RAP2B: variants seen among roughly 807,000 people sequenced by gnomAD.
RAP2B encodes RAP2B, member of RAS oncogene family.
RAP2B carries 6 observed loss-of-function variants against 14.4 expected under a neutral mutation model. That is an observed-to-expected ratio of 0.42 (90% confidence interval 0.23 to 0.82). RAP2B has a LOEUF of 0.82. Ranked by LOEUF, RAP2B falls within the 40% of genes least tolerant of loss-of-function variation. The pLI is 0.30. For missense variants in RAP2B, 137 were observed against 248.2 expected (o/e 0.55, Z 3.01); for synonymous variants, 118 against 113.2 (o/e 1.04, Z -0.27).
chr3:153,166,990 T>C lies in RAP2B; in HGVS notation c.*3745T>C, dbSNP rs1455310118. 1.2e-5 allele frequency: 2 copies of C among 166,852 alleles called. No homozygotes were observed. Among genetic ancestry groups the C allele is most frequent in the African/African-American group, 4.8e-5 (2 of 41,452 alleles). The allele number at this position is 166,852 out of a possible 1,614,324, so 10.3% of individuals were successfully genotyped here. A position where few individuals can be genotyped will look rare whatever the true frequency, so the allele number is the denominator to read the frequency against. On this transcript the variant is annotated 3_prime_UTR_variant, in exon 1 of 1. Transcript: ENST00000323534. The stretch of plus-strand genomic sequence containing the variant: ...CTTAACTGTCATAAGAGCATAGATT[T>C]TTTGTTTTTCACAACAGCTGGAATA...
At position 153,163,093 on chromosome 3, in the gene RAP2B, C is replaced by G. The variant is rs766367034; in HGVS notation, c.400C>G (p.Leu134Val). The G allele has an allele frequency of 1.9e-6, 3 of 1,613,810 alleles. No homozygotes were observed. Among genetic ancestry groups the G allele is most frequent in the East Asian group, 2.2e-5 (1 of 44,872 alleles). Residue 134 changes from leucine to valine, a missense_variant, in exon 1 of 1, where the codon CTG becomes GTG. Leu to Val is a conservative substitution (Grantham distance 32). This residue lies in a region of RAP2B where 106 missense variants were observed against 143.5 expected (regional missense o/e 0.74). Coordinates refer to ENST00000323534, the MANE Select transcript of RAP2B (RefSeq NM_002886.4). ...GGTCTCGTACGGGGAGGGCAAGGCC[C>G]TGGCTGAGGAGTGGAGCTGCCCCTT... ...REVSYGEGKA[L>V]AEEWSCPFME...
In RAP2B at chr3:153,166,898, A is replaced by G. The variant is rs900485421; in HGVS notation, c.*3653A>G. On this transcript the variant is annotated 3_prime_UTR_variant, in exon 1 of 1. Coordinates refer to ENST00000323534, the MANE Select transcript of RAP2B (RefSeq NM_002886.4). The stretch of plus-strand genomic sequence containing the variant: ...ACCCTCTTTTGGGTCATATTCTAGT[A>G]TTTCTCACAGGGGGTATGAGAAACA... 1 of 166,938 alleles carries G rather than the reference A, an allele frequency of 6.0e-6. No homozygotes were observed. Among genetic ancestry groups the G allele is most frequent in the Non-Finnish European group, 1.5e-5 (1 of 68,086 alleles). 10.3% of individuals were successfully genotyped at this position (166,938 alleles called of 1,614,324 possible).
In RAP2B at chr3:153,162,657, G is replaced by T; in HGVS notation, c.-37G>T. On this transcript the variant is annotated 5_prime_UTR_variant, in exon 1 of 1. Transcript: ENST00000323534. This position sits in a 1 kb window ranked among gnomAD's most constrained non-coding sequence, Gnocchi z 4.9. ...CCTTCCCCGGCGCGCAGCCCCGACG[G>T]GGCCGCGGCAGGCGCGGCGAGAGCG... 6.4e-7 allele frequency: 1 copy of T among 1,561,532 alleles called. No individual in the cohort carries two copies. Among genetic ancestry groups the T allele is most frequent in the Non-Finnish European group, 8.7e-7 (1 of 1,155,420 alleles).
In RAP2B at chr3:153,163,432, C is replaced by G; in HGVS notation, c.*187C>G. On this transcript the variant is annotated 3_prime_UTR_variant, in exon 1 of 1. Transcript: ENST00000323534. ...CCCTGTGCCCGAGGGGGTGTCCGGT[C>G]CTGCCCATCCGATACTCTGGTGGAA... 1.4e-6 allele frequency: 1 copy of G among 716,332 alleles called. No individual in the cohort carries two copies. The highest frequency in any genetic ancestry group is 2.3e-6 in the Non-Finnish European group (1 of 436,146). 44.4% of individuals were successfully genotyped at this position (716,332 alleles called of 1,614,324 possible).
In RAP2B at chr3:153,167,763, T is replaced by C. The variant is rs1328476968; in HGVS notation, c.*4518T>C. 1 of 167,036 alleles carries C rather than the reference T, an allele frequency of 6.0e-6. No individual in the cohort carries two copies. The highest frequency in any genetic ancestry group is 1.5e-5 in the Non-Finnish European group (1 of 68,122). The allele number at this position is 167,036 out of a possible 1,614,324, so 10.3% of individuals were successfully genotyped here. On this transcript the variant is annotated 3_prime_UTR_variant, in exon 1 of 1. Transcript: ENST00000323534. ...ACATTTTGACTATGGTTTTCAATGT[T>C]AATTCAGAAGTTGACTTTAAATGAA...
chr3:153,162,485 C>A lies in RAP2B; in HGVS notation c.-209C>A, dbSNP rs997723423. 9 of 507,828 alleles carry A rather than the reference C, an allele frequency of 1.8e-5. No individual in the cohort carries two copies. Among genetic ancestry groups the A allele is most frequent in the African/African-American group, 1.4e-4 (7 of 48,936 alleles). The allele number at this position is 507,828 out of a possible 1,614,324, so 31.5% of individuals were successfully genotyped here. Reference sequence around the variant, plus strand: ...ACTGCTGCGGGGCCCGGACCCGCACCCCAGGGATACGCTGCCGCCGCCGCC... The same window carrying A: ...ACTGCTGCGGGGCCCGGACCCGCACACCAGGGATACGCTGCCGCCGCCGCC... On this transcript the variant is annotated 5_prime_UTR_variant, in exon 1 of 1. Transcript: ENST00000323534. The surrounding 1 kb of genome is among the most constrained non-coding windows in gnomAD (Gnocchi z 4.9).
Position 153,165,441 on chromosome 3 carries a change from G to A in RAP2B, c.*2196G>A, listed in dbSNP as rs1294818758. On this transcript the variant is annotated 3_prime_UTR_variant, in exon 1 of 1. Coordinates refer to ENST00000323534, the MANE Select transcript of RAP2B (RefSeq NM_002886.4). ...TAACATGTTCATACATATCAAGAGA[G>A]TACTTGGTATACCTTAGGTCTATGA... 1 of 165,358 alleles carries A rather than the reference G, an allele frequency of 6.0e-6. No homozygotes were observed. Among genetic ancestry groups the A allele is most frequent in the Non-Finnish European group, 1.5e-5 (1 of 68,096 alleles). 10.2% of individuals were successfully genotyped at this position (165,358 alleles called of 1,614,324 possible).
rs1230605202 is a variant in RAP2B at position 153,170,249 on chromosome 3, C to A, written c.*7004C>A. On this transcript the variant is annotated 3_prime_UTR_variant, in exon 1 of 1. Coordinates refer to ENST00000323534, the MANE Select transcript of RAP2B (RefSeq NM_002886.4). The stretch of plus-strand genomic sequence containing the variant: ...ATTGATGCCTTGTGAATACAGGTGT[C>A]CCCAAAAGGCCTGAGACCAACCTTA... 6.6e-6 allele frequency: 1 copy of A among 151,904 alleles called. No homozygotes were observed. Among genetic ancestry groups the A allele is most frequent in the African/African-American group, 2.4e-5 (1 of 41,348 alleles). 9.4% of individuals were successfully genotyped at this position (151,904 alleles called of 1,614,324 possible).
At position 153,167,098 on chromosome 3, in the gene RAP2B, A is replaced by G. The variant is rs1436940869; in HGVS notation, c.*3853A>G. 6.0e-6 allele frequency: 1 copy of G among 167,090 alleles called. No individual in the cohort carries two copies. Among genetic ancestry groups the G allele is most frequent in the Non-Finnish European group, 1.5e-5 (1 of 68,120 alleles). The allele number at this position is 167,090 out of a possible 1,614,324, so 10.4% of individuals were successfully genotyped here. A position where few individuals can be genotyped will look rare whatever the true frequency, so the allele number is the denominator to read the frequency against. On this transcript the variant is annotated 3_prime_UTR_variant, in exon 1 of 1. Coordinates refer to ENST00000323534, the MANE Select transcript of RAP2B (RefSeq NM_002886.4). ...TAAAACGATACCAGACATTTGTCAC[A>G]GTGTCTTATTTGGGGAAAGTTTGCT...
chr3:153,162,744 C>G lies in RAP2B; in HGVS notation c.51C>G (p.Ser17=). Residue 17 remains serine (S), a synonymous_variant, in exon 1 of 1, where the codon TCC becomes TCG. Transcript: ENST00000323534. This position sits in a 1 kb window ranked among gnomAD's most constrained non-coding sequence, Gnocchi z 4.9. ...VVLGSGGVGK[S]ALTVQFVTGS... ...TGGGCTCGGGCGGCGTGGGCAAGTC[C>G]GCGCTCACCGTGCAGTTCGTGACGG... is the stretch of plus-strand genomic sequence containing the variant. The G allele has an allele frequency of 1.2e-6, 2 of 1,613,934 alleles. No homozygotes were observed. The highest frequency in any genetic ancestry group is 1.7e-6 in the Non-Finnish European group (2 of 1,180,012).
rs1713522971 is a variant in RAP2B at position 153,164,731 on chromosome 3, A to G, written c.*1486A>G. 2 of 167,050 alleles carry G rather than the reference A, an allele frequency of 1.2e-5. No individual in the cohort carries two copies. Among genetic ancestry groups the G allele is most frequent in the Admixed American group, 1.3e-4 (2 of 15,284 alleles). The allele number at this position is 167,050 out of a possible 1,614,324, so 10.3% of individuals were successfully genotyped here. A position where few individuals can be genotyped will look rare whatever the true frequency, so the allele number is the denominator to read the frequency against. ...TGTCATTTTTAAAGAAACAAACCCA[A>G]AACTATTGTTTGTGTTTCTGTGTTT... On this transcript the variant is annotated 3_prime_UTR_variant, in exon 1 of 1. Coordinates refer to ENST00000323534, the MANE Select transcript of RAP2B (RefSeq NM_002886.4).
chr3:153,168,545 T>C lies in RAP2B; in HGVS notation c.*5300T>C, dbSNP rs1713641887. 1 of 157,030 alleles carries C rather than the reference T, an allele frequency of 6.4e-6. No individual in the cohort carries two copies. Among genetic ancestry groups the C allele is most frequent in the South Asian group, 2.1e-4 (1 of 4,836 alleles). 9.7% of individuals were successfully genotyped at this position (157,030 alleles called of 1,614,324 possible). On this transcript the variant is annotated 3_prime_UTR_variant, in exon 1 of 1. Coordinates refer to ENST00000323534, the MANE Select transcript of RAP2B (RefSeq NM_002886.4). Reference sequence around the variant, plus strand: ...CACAGTAGTCTACAGCTCTCTATAGTAGCTTAATAGCTATTTGCTGAATGA... The same window carrying C: ...CACAGTAGTCTACAGCTCTCTATAGCAGCTTAATAGCTATTTGCTGAATGA...
At position 153,169,510 on chromosome 3, in the gene RAP2B, ATC is replaced by A. The variant is rs1374270857; in HGVS notation, c.*6268_*6269del. 1 of 153,784 alleles carries A rather than the reference ATC, an allele frequency of 6.5e-6. No individual in the cohort carries two copies. Among genetic ancestry groups the A allele is most frequent in the East Asian group, 1.9e-4 (1 of 5,202 alleles). 9.5% of individuals were successfully genotyped at this position (153,784 alleles called of 1,614,324 possible). A position where few individuals can be genotyped will look rare whatever the true frequency, so the allele number is the denominator to read the frequency against. ...GCCCAGGCTGGAGTGCAATGGCGCG[ATC>A]TCGGCTCACTGCAACCTCTGCCTCC... On this transcript the variant is annotated 3_prime_UTR_variant, in exon 1 of 1. Transcript: ENST00000323534.
At position 153,162,597 on chromosome 3, in the gene RAP2B, A is replaced by T; in HGVS notation, c.-97A>T. ...CTCCTGGGTTTTTCCTGCGTAGCTG[A>T]GGAAGGGGAAGAGAAGTCCAGCCGC... On this transcript the variant is annotated 5_prime_UTR_variant, in exon 1 of 1. Transcript: ENST00000323534. The surrounding 1 kb of genome is among the most constrained non-coding windows in gnomAD (Gnocchi z 4.9). The T allele has an allele frequency of 1.5e-6, 2 of 1,350,714 alleles. No individual in the cohort carries two copies. Among genetic ancestry groups the T allele is most frequent in the African/African-American group, 3.0e-5 (2 of 67,778 alleles). The allele number at this position is 1,350,714 out of a possible 1,614,324, so 83.7% of individuals were successfully genotyped here.
In RAP2B at chr3:153,168,581, G is replaced by A. The variant is rs1713642637; in HGVS notation, c.*5336G>A. On this transcript the variant is annotated 3_prime_UTR_variant, in exon 1 of 1. Transcript: ENST00000323534. ...CTATTTGCTGAATGAATGGAACATG[G>A]AGTGTTACATCTGAAACTATTCTAT... The A allele has an allele frequency of 6.5e-6, 1 of 153,652 alleles. No individual in the cohort carries two copies. Among genetic ancestry groups the A allele is most frequent in the Non-Finnish European group, 1.5e-5 (1 of 68,026 alleles). The allele number at this position is 153,652 out of a possible 1,614,324, so 9.5% of individuals were successfully genotyped here.
Position 153,167,837 on chromosome 3 carries a change from C to A in RAP2B, c.*4592C>A, listed in dbSNP as rs1475525193. On this transcript the variant is annotated 3_prime_UTR_variant, in exon 1 of 1. Transcript: ENST00000323534. ...GCCTAAGTGATCAGAATCAACATTC[C>A]CCTTCTCCCCAACCTAGGGGAAAAA... is the stretch of plus-strand genomic sequence containing the variant. 6.0e-6 allele frequency: 1 copy of A among 166,726 alleles called. No individual in the cohort carries two copies. The highest frequency in any genetic ancestry group is 2.4e-5 in the African/African-American group (1 of 41,386). 10.3% of individuals were successfully genotyped at this position (166,726 alleles called of 1,614,324 possible).
Position 153,163,317 on chromosome 3 carries a change from T to C in RAP2B, c.*72T>C, listed in dbSNP as rs1023365758. 15 of 1,458,390 alleles carry C rather than the reference T, an allele frequency of 1.0e-5. No individual in the cohort carries two copies. The Admixed American group carries it at 1.4e-4, about 14-fold the overall frequency. 90.3% of individuals were successfully genotyped at this position (1,458,390 alleles called of 1,614,324 possible). A position where few individuals can be genotyped will look rare whatever the true frequency, so the allele number is the denominator to read the frequency against. ...CATCCGACTCTCTAAATGTGATTTA[T>C]TTCTTGCTTTGAGATTGGAGACCAC... On this transcript the variant is annotated 3_prime_UTR_variant, in exon 1 of 1. Coordinates refer to ENST00000323534, the MANE Select transcript of RAP2B (RefSeq NM_002886.4).
Position 153,163,397 on chromosome 3 carries a change from C to G in RAP2B, c.*152C>G, listed in dbSNP as rs1379745682. ...CGGCTGGCCTCCGCGGCCGGCGTCCCCTGCCTCCACCCTGTGCCCGAGGGG... is the reference window on the plus strand; with the variant it reads ...CGGCTGGCCTCCGCGGCCGGCGTCCGCTGCCTCCACCCTGTGCCCGAGGGG... On this transcript the variant is annotated 3_prime_UTR_variant, in exon 1 of 1. Transcript: ENST00000323534. The G allele has an allele frequency of 9.5e-7, 1 of 1,053,324 alleles. No individual in the cohort carries two copies. Among genetic ancestry groups the G allele is most frequent in the Non-Finnish European group, 1.4e-6 (1 of 738,910 alleles). 65.2% of individuals were successfully genotyped at this position (1,053,324 alleles called of 1,614,324 possible). A position where few individuals can be genotyped will look rare whatever the true frequency, so the allele number is the denominator to read the frequency against.
rs1202112102 is a variant in RAP2B, at chr3:153,170,385, C to T, written c.*7140C>T. 1.3e-5 allele frequency: 2 copies of T among 152,126 alleles called. No homozygotes were observed. Among genetic ancestry groups the T allele is most frequent in the African/African-American group, 4.8e-5 (2 of 41,418 alleles). The allele number at this position is 152,126 out of a possible 1,614,324, so 9.4% of individuals were successfully genotyped here. On this transcript the variant is annotated 3_prime_UTR_variant, in exon 1 of 1. Transcript: ENST00000323534. ...CTATTATTAATAGCTGTACTGCGAGCGCTAATACTTAAAAGAGGAAGTCAG... is the reference window on the plus strand; with the variant it reads ...CTATTATTAATAGCTGTACTGCGAGTGCTAATACTTAAAAGAGGAAGTCAG...
Sources: gnomAD v4.1 joint callset for allele counts on GRCh38, gnomAD v4.1.1 for gene constraint, gnomAD v4.1.1 regional missense constraint, Gnocchi (gnomAD v3.1) non-coding constraint, MANE v1.5 for transcripts, NCBI Gene and HGNC (gene_info 2026-07-23, HGNC 2026-07-21) for gene names.